The following RAPGEF5 variants were observed in gnomAD, a reference collection of about 807,000 sequenced individuals.
RAPGEF5 encodes M-Ras-regulated GEF.
Under a neutral mutation model 125.2 loss-of-function variants are expected in RAPGEF5, and 65 were observed. The observed-to-expected ratio is 0.52, with a 90% CI of 0.43 to 0.64. The LOEUF is 0.64. RAPGEF5 is among the 30% of genes least tolerant of loss of function. The probability of loss-of-function intolerance (pLI) is 0.00; values close to 1 mark genes in which losing one functional copy is unlikely to be tolerated. For synonymous variants in RAPGEF5, 391 were observed against 385.9 expected, an observed-to-expected ratio of 1.01 and a Z score of -0.16; for missense variants, 958 against 1,048.1, an observed-to-expected ratio of 0.91 and a Z score of 1.19.
intron 1 of RAPGEF5, among the ~76,000 whole-genome samples, chr7:22,325,630 A>G (rs2128156611): frequency 6.6e-6 from 1 of 152,306 alleles, no homozygotes; most frequent in African/African-American, 2.4e-5. Context: ...CAGTGGCACA[A>G]TCATGGCTCA....
intron 7 of RAPGEF5, among the ~76,000 whole-genome samples, chr7:22,257,653 G>A (rs2128139604): frequency 6.6e-6 from 1 of 152,276 alleles, no homozygotes; most frequent in Non-Finnish European, 1.5e-5. Flanking sequence ...CTCAAGCATT[G>A]AGAATGCACA....
At chr7:22,275,136 G>C (rs894359687) in intron 6 of RAPGEF5, among the ~76,000 whole-genome samples, 3 of 152,096 alleles carry the variant, frequency 2.0e-5, no homozygotes, top group Admixed American at 6.5e-5. Context: ...TTACCCTTCA[G>C]ATCCCAACTT....
chr7:22,194,028 A>G lies in RAPGEF5; in HGVS notation c.1002T>C (p.Asp334=), dbSNP rs750041706. 1 of 1,612,532 alleles carries G rather than the reference A, an allele frequency of 6.2e-7. No individual in the cohort carries two copies. Among genetic ancestry groups the G allele is most frequent in the Non-Finnish European group, 8.5e-7 (1 of 1,179,212 alleles). Residue 334 remains aspartate (D), a synonymous_variant, in exon 10 of 26, where the codon GAT becomes GAC. Coordinates refer to ENST00000665637, the MANE Select transcript of RAPGEF5 (RefSeq NM_012294.5). ...KKEQEKSEHQ[D]DEVTTVQVKE... ...TAACCTGAACAGTCGTCACTTCATC[A>G]TCTTGCTTTAATTGTGGACAGGGAT...
chr7:22,292,613 T>C (rs150897673), intron 5 of RAPGEF5, among the ~76,000 whole-genome samples: 19 of 152,232 alleles, frequency 1.2e-4, no homozygotes, highest in African/African-American at 4.3e-4. Context: ...TCTGTGGTTA[T>C]ACTGAGAACA....
At chr7:22,337,197 A>G (rs762242937) in intron 1 of RAPGEF5, among the ~76,000 whole-genome samples, 4 of 152,184 alleles carry the variant, frequency 2.6e-5, no homozygotes, top group Non-Finnish European at 4.4e-5. Flanking sequence ...GGCAGGGGCT[A>G]CGGTATGGGT....
chr7:22,293,930 T>C (rs980959730), intron 5 of RAPGEF5, among the ~76,000 whole-genome samples: 1 of 152,248 alleles, frequency 6.6e-6, no homozygotes, highest in Admixed American at 6.5e-5. Flanking sequence ...CCAGCAAATG[T>C]ACCTTTTACA....
chr7:22,146,921 C>A lies in RAPGEF5; in HGVS notation c.1983G>T (p.Trp661Cys). The change falls in exon 19 of 26, where the codon TGG becomes TGT. Residue 661 changes from tryptophan (W) to cysteine (C), a missense_variant. By Grantham distance (215) the Trp-to-Cys change is radical (BLOSUM62 -2). Transcript: ENST00000665637. ...CCTCGTGAATTGAATTGAATAGACTCCAATCAAAATTCATTAATTCCAGAG... is the reference window on the plus strand; with the variant it reads ...CCTCGTGAATTGAATTGAATAGACTACAATCAAAATTCATTAATTCCAGAG... Reference protein sequence around the residue: ...DLALELMNFDWSLFNSIHEQE... With the variant: ...DLALELMNFDCSLFNSIHEQE... 1 of 1,613,520 alleles carries A rather than the reference C, an allele frequency of 6.2e-7. No homozygotes were observed. Among genetic ancestry groups the A allele is most frequent in the Non-Finnish European group, 8.5e-7 (1 of 1,179,696 alleles).
rs1321088292 is a variant in RAPGEF5 at position 22,222,377 on chromosome 7, G to C, written c.871-2386C>G. Among the ~76,000 whole-genome samples, 5 of 152,108 alleles carry C rather than the reference G, an allele frequency of 3.3e-5. No homozygotes were observed. In the East Asian group the frequency reaches 9.6e-4, roughly 29 times the overall value. The stretch of plus-strand genomic sequence containing the variant: ...TAAGGGGACAGATAAATAACTGAAG[G>C]CATTATTAAGATAAAAATGTCAAGG... On this transcript the variant is annotated intron_variant, in intron 8 of 25. Transcript: ENST00000665637.
At chr7:22,298,706 A>G (rs1783124921) in intron 5 of RAPGEF5, 1 of 152,202 alleles carries the variant, frequency 6.6e-6, no homozygotes, top group Non-Finnish European at 1.5e-5. Context: ...TATTTTTTAA[A>G]TGTTTAGTTA....
At chr7:22,317,943 A>G in intron 2 of RAPGEF5, 44 bp downstream of exon 2, 1 of 1,544,986 alleles carries the variant, frequency 6.5e-7, no homozygotes, top group Non-Finnish European at 8.7e-7. Context: ...AGAATTTGTC[A>G]ATCACTATTT....
At chr7:22,211,874 A>C (rs1342919239) in intron 9 of RAPGEF5, among the ~76,000 whole-genome samples, 1 of 151,504 alleles carries the variant, frequency 6.6e-6, no homozygotes, top group Non-Finnish European at 1.5e-5. Flanking sequence ...TCCCATCCAC[A>C]GTCCACACTT....
chr7:22,338,225 G>T (rs936415575), intron 1 of RAPGEF5, among the ~76,000 whole-genome samples: 3 of 152,190 alleles, frequency 2.0e-5, no homozygotes, highest in Non-Finnish European at 4.4e-5. Context: ...TAGTTTACCT[G>T]TTACGCAGCA....
chr7:22,240,281 T>G (rs1464256722), intron 7 of RAPGEF5, among the ~76,000 whole-genome samples: 1 of 151,156 alleles, frequency 6.6e-6, no homozygotes, highest in African/African-American at 2.4e-5. Context: ...AAATAAAACC[T>G]TGATAAACAA....
chr7:22,339,024 T>C (rs189916419), intron 1 of RAPGEF5, among the ~76,000 whole-genome samples: 14 of 152,294 alleles, frequency 9.2e-5, no homozygotes, highest in African/African-American at 3.4e-4. Context: ...AGGAGGTGGG[T>C]GAGTGGGCTC....
At chr7:22,166,082 C>CAT (rs201806238) in intron 12 of RAPGEF5, among the ~76,000 whole-genome samples, 2,039 of 142,122 alleles carry the variant, frequency 0.014, 64 homozygotes, top group African/African-American at 0.05. Flanking sequence ...ATATATGTAT[C>CAT]ATATATATAT....
intron 17 of RAPGEF5, among the ~76,000 whole-genome samples, chr7:22,151,521 G>A (rs959517518): frequency 2.8e-5 from 4 of 142,562 alleles, no homozygotes; most frequent in Non-Finnish European, 6.0e-5. Context: ...GAGTGCACTA[G>A]TGTGATCTCG....
rs780304220 is a variant in RAPGEF5 at position 22,122,399 on chromosome 7, G to C, written c.*7C>G. ...CTGCAGATACAGGGGAGGTGAGGCA[G>C]TGGGGCTCACACCCGAGGCTCGATC... On this transcript the variant is annotated 3_prime_UTR_variant, in exon 26 of 26. Coordinates refer to ENST00000665637, the MANE Select transcript of RAPGEF5 (RefSeq NM_012294.5). 1.9e-6 allele frequency: 3 copies of C among 1,603,172 alleles called. No homozygotes were observed. The highest frequency in any genetic ancestry group is 2.6e-6 in the Non-Finnish European group (3 of 1,170,674).
intron 15 of RAPGEF5, 27 bp from the exon 16 acceptor site, chr7:22,156,915 G>T: frequency 6.2e-7 from 1 of 1,613,656 alleles, no homozygotes. Context: ...AGAGAACAAT[G>T]AATGAATACA....
chr7:22,280,679 TATACTTGGTTTTATAATGAGACTG>T (rs1490734134), intron 6 of RAPGEF5, among the ~76,000 whole-genome samples: 50 of 152,344 alleles, frequency 3.3e-4, no homozygotes, highest in African/African-American at 1.1e-3. Context: ...ATCATATGTA[TATACTTGGTTTTATAATGAGACTG>T]GAAACATATA....
Sources: allele counts gnomAD v4.1 joint callset (sites outside exome capture counted in the v4.1 genomes callset), GRCh38; gene constraint gnomAD v4.1.1; transcripts MANE v1.5; gene names NCBI Gene and HGNC (gene_info 2026-07-23, HGNC 2026-07-21).